The following HS2ST1 variants were observed in gnomAD, a reference collection of about 807,000 sequenced individuals.
The protein encoded by HS2ST1 is 2-O-sulfotransferase.
HS2ST1 carries 18 observed loss-of-function variants against 42.9 expected under a neutral mutation model. The ratio of observed to expected loss-of-function variants is 0.42; its 90% CI spans 0.29 to 0.62. The LOEUF (loss-of-function observed/expected upper bound fraction) is 0.62. HS2ST1 is among the 20% of genes least tolerant of loss of function. The probability of loss-of-function intolerance (pLI) is 0.21; values close to 1 mark genes in which losing one functional copy is unlikely to be tolerated. For synonymous variants in HS2ST1, 146 were observed against 152.9 expected (o/e 0.95, Z 0.33); for missense variants, 334 against 433.8 (o/e 0.77, Z 2.04).
intron 1 of HS2ST1, among the ~76,000 whole-genome samples, chr1:86,954,689 A>G (rs142631648): frequency 1.3e-5 from 2 of 152,132 alleles, no homozygotes; most frequent in Non-Finnish European, 2.9e-5. Context: ...CTTTCTTCTC[A>G]TGTATGTTAC....
intron 1 of HS2ST1, among the ~76,000 whole-genome samples, chr1:87,036,466 C>T (rs1035622279): frequency 6.6e-6 from 1 of 151,950 alleles, no homozygotes; most frequent in Admixed American, 6.6e-5. Flanking sequence ...TTGAGATGGG[C>T]TTTGAAGGAT....
chr1:87,059,757 C>T (rs1651072598), intron 1 of HS2ST1, among the ~76,000 whole-genome samples: 1 of 151,944 alleles, frequency 6.6e-6, no homozygotes, highest in South Asian at 2.1e-4. Context: ...AATTTTTTTC[C>T]CAAAAATGCT....
chr1:87,087,332 C>T lies in HS2ST1; in HGVS notation c.449+3053C>T, dbSNP rs540108812. ...TAAGTTTTTTATGATCTAGCTACCT[C>T]AGTGTCACATGTCAGCATCTGTCTT... On this transcript the variant is annotated intron_variant, in intron 3 of 6. Coordinates refer to ENST00000370550, the MANE Select transcript of HS2ST1 (RefSeq NM_012262.4). Among the ~76,000 whole-genome samples the T allele has an allele frequency of 1.1e-4, 16 of 152,220 alleles. No homozygotes were observed. The South Asian group carries it at 3.3e-3, about 32-fold the overall frequency.
chr1:87,048,855 C>A (rs76891148), intron 1 of HS2ST1, among the ~76,000 whole-genome samples: 3,638 of 152,228 alleles, frequency 0.024, 45 homozygotes, highest in South Asian at 0.053. Context: ...TTTCATTTCA[C>A]TAAATGTTGT....
rs1450552458 is a variant in HS2ST1, at chr1:87,108,944, T to TC, written c.*4251dup. On this transcript the variant is annotated 3_prime_UTR_variant, in exon 7 of 7. Coordinates refer to ENST00000370550, the MANE Select transcript of HS2ST1 (RefSeq NM_012262.4). ...ACACAGCTCAACAGTGCCTTTTTTT[T>TC]CCCTCATAGTCCTGTTGGAAGATGC... is the stretch of plus-strand genomic sequence containing the variant. The TC allele has an allele frequency of 2.0e-5, 3 of 152,492 alleles. No homozygotes were observed. Among genetic ancestry groups the TC allele is most frequent in the South Asian group, 2.1e-4 (1 of 4,828 alleles). 9.4% of individuals were successfully genotyped at this position (152,492 alleles called of 1,614,324 possible).
intron 1 of HS2ST1, among the ~76,000 whole-genome samples, chr1:87,024,943 T>C (rs950274841): frequency 6.6e-5 from 10 of 152,220 alleles, no homozygotes; most frequent in Non-Finnish European, 1.5e-4. Flanking sequence ...ATGCTTAATG[T>C]ATGTTTTAAT....
At chr1:87,099,293 G>A (rs577181743) in intron 5 of HS2ST1, among the ~76,000 whole-genome samples, 1 of 152,320 alleles carries the variant, frequency 6.6e-6, no homozygotes, top group Admixed American at 6.5e-5. Flanking sequence ...TCTGCAGGAT[G>A]TACAAGCATG....
intron 1 of HS2ST1, among the ~76,000 whole-genome samples, chr1:86,936,135 G>T (rs898519779): frequency 6.6e-6 from 1 of 151,828 alleles, no homozygotes; most frequent in Non-Finnish European, 1.5e-5. Context: ...GAGTAAAAAT[G>T]GTGTTAATTT....
At chr1:86,970,125 C>CAA (rs570323321) in intron 1 of HS2ST1, among the ~76,000 whole-genome samples, 270 of 99,266 alleles carry the variant, frequency 2.7e-3, no homozygotes, top group African/African-American at 9.0e-3. Flanking sequence ...AACTCCATCT[C>CAA]AAAAAAAAAA....
intron 1 of HS2ST1, among the ~76,000 whole-genome samples, chr1:87,014,718 T>A (rs1649699582): frequency 6.6e-6 from 1 of 152,164 alleles, no homozygotes. Flanking sequence ...ACAAAGGCCA[T>A]CACAACTTTA....
chr1:87,098,403 T>A, intron 5 of HS2ST1: 1 of 829,930 alleles, frequency 1.2e-6, no homozygotes, highest in Non-Finnish European at 1.5e-6. Context: ...AAATATCAAG[T>A]GGAAAATAAA....
chr1:87,054,885 ACTT>A (rs777342458), intron 1 of HS2ST1, among the ~76,000 whole-genome samples: 13 of 152,250 alleles, frequency 8.5e-5, no homozygotes, highest in Admixed American at 1.3e-4. Context: ...CAAGAACTAA[ACTT>A]CTTGTGTAGT....
intron 1 of HS2ST1, among the ~76,000 whole-genome samples, chr1:87,057,650 A>T (rs887975781): frequency 6.6e-6 from 1 of 151,718 alleles, no homozygotes; most frequent in African/African-American, 2.4e-5. Flanking sequence ...AGGAGATCGA[A>T]ACCATCCTGG....
intron 1 of HS2ST1, among the ~76,000 whole-genome samples, chr1:86,923,396 G>A (rs756562438): frequency 3.5e-4 from 52 of 148,132 alleles, no homozygotes; most frequent in Non-Finnish European, 5.7e-4. Context: ...GCAGGGGAAC[G>A]CCTTTTTTTT....
chr1:86,916,362 A>G (rs1035087926), intron 1 of HS2ST1, among the ~76,000 whole-genome samples: 14 of 152,238 alleles, frequency 9.2e-5, no homozygotes, highest in African/African-American at 3.1e-4. Context: ...AATTTAGACT[A>G]AGAAATAGAT....
At chr1:86,969,672 T>C (rs1268857664) in intron 1 of HS2ST1, among the ~76,000 whole-genome samples, 3 of 151,938 alleles carry the variant, frequency 2.0e-5, no homozygotes, top group Non-Finnish European at 4.4e-5. Flanking sequence ...ACTTGTTTAC[T>C]GACAAGACTG....
At chr1:87,050,709 A>G (rs1650809306) in intron 1 of HS2ST1, among the ~76,000 whole-genome samples, 1 of 152,092 alleles carries the variant, frequency 6.6e-6, no homozygotes, top group South Asian at 2.1e-4. Flanking sequence ...CCTGTAATCT[A>G]TTTTAAGGTA....
At chr1:87,044,904 A>T (rs1650608728) in intron 1 of HS2ST1, 2 of 1,412,058 alleles carry the variant, frequency 1.4e-6, no homozygotes, top group Non-Finnish European at 1.9e-6. Flanking sequence ...AAGTAGTAAG[A>T]GGGCTCTGTT....
At chr1:86,993,165 C>A in intron 1 of HS2ST1, 1 of 1,584,526 alleles carries the variant, frequency 6.3e-7, no homozygotes, top group Non-Finnish European at 8.6e-7. Flanking sequence ...AAACCCTCAT[C>A]AACTGACTTT....
Sources: gnomAD v4.1 joint callset for allele counts (sites outside exome capture counted in the v4.1 genomes callset) on GRCh38, gnomAD v4.1.1 for gene constraint, MANE v1.5 for transcripts, NCBI Gene and HGNC (gene_info 2026-07-23, HGNC 2026-07-21) for gene names.